The following LOC400499 variants were observed in gnomAD, a reference collection of about 807,000 sequenced individuals.
chr16:11,374,989 C>G, the LOC400499 span, among the ~76,000 whole-genome samples: 1 of 152,076 alleles, frequency 6.6e-6, no homozygotes, highest in African/African-American at 2.4e-5. Flanking sequence ...GCTGGGATTA[C>G]AGGCCTGCAC....
the LOC400499 span, among the ~76,000 whole-genome samples, chr16:11,495,733 A>G: frequency 6.6e-6 from 1 of 152,258 alleles, no homozygotes; most frequent in Non-Finnish European, 1.5e-5. Context: ...CAGACTGCTG[A>G]TAACATGTCA....
the LOC400499 span, among the ~76,000 whole-genome samples, chr16:11,407,887 G>T: frequency 6.6e-6 from 1 of 152,014 alleles, no homozygotes; most frequent in South Asian, 2.1e-4. Flanking sequence ...GAATCACTGC[G>T]GGGGAACTTA....
At chr16:11,391,113 T>C in the LOC400499 span, among the ~76,000 whole-genome samples, 1 of 152,240 alleles carries the variant, frequency 6.6e-6, no homozygotes, top group African/African-American at 2.4e-5. Context: ...AGGAACACTC[T>C]GGCACAGCAG....
chr16:11,505,795 C>T, the LOC400499 span, among the ~76,000 whole-genome samples: 1 of 151,866 alleles, frequency 6.6e-6, no homozygotes, highest in African/African-American at 2.4e-5. Context: ...TCAGGGTACC[C>T]GTGAAATAAT....
At chr16:11,383,504 TTAA>T in the LOC400499 span, 1 of 983,698 alleles carries the variant, frequency 1.0e-6, no homozygotes, top group Non-Finnish European at 1.3e-6. Context: ...ACAGGCAGTC[TTAA>T]TAAATGTTGT....
At chr16:11,419,473 G>A in the LOC400499 span, among the ~76,000 whole-genome samples, 301 of 147,052 alleles carry the variant, frequency 2.0e-3, no homozygotes, top group African/African-American at 7.5e-3. Context: ...AGACTTAAAC[G>A]TTAGACCTAA....
At chr16:11,508,199 G>C in the LOC400499 span, among the ~76,000 whole-genome samples, 1 of 152,146 alleles carries the variant, frequency 6.6e-6, no homozygotes, top group Admixed American at 6.6e-5. Flanking sequence ...CCCTCTCTCA[G>C]AACAAGACAG....
At chr16:11,494,364 G>C in the LOC400499 span, among the ~76,000 whole-genome samples, 23 of 148,102 alleles carry the variant, frequency 1.6e-4, no homozygotes, top group Admixed American at 8.7e-4. Flanking sequence ...GCAGTGGTGT[G>C]GGGGGGGCAG....
chr16:11,509,187 G>C, the LOC400499 span, among the ~76,000 whole-genome samples: 2 of 146,144 alleles, frequency 1.4e-5, no homozygotes, highest in African/African-American at 5.1e-5. Context: ...GCGCGATCTC[G>C]GCTCACTGCA....
the LOC400499 span, chr16:11,412,775 G>A: frequency 1.5e-5 from 6 of 398,234 alleles, no homozygotes; most frequent in African/African-American, 1.2e-4. Flanking sequence ...TCCAGCGATG[G>A]TGCACAGCAG....
the LOC400499 span, chr16:11,396,806 A>T: frequency 1.4e-6 from 1 of 732,196 alleles, no homozygotes; most frequent in African/African-American, 1.8e-5. Context: ...CTCACAGCTG[A>T]CCTCTAAGAA....
chr16:11,393,295 C>T, the LOC400499 span: 12 of 1,062,334 alleles, frequency 1.1e-5, no homozygotes, highest in Admixed American at 8.5e-5. Context: ...CACCCAGCCC[C>T]GACTTCTGAA....
At chr16:11,477,420 G>A in the LOC400499 span, among the ~76,000 whole-genome samples, 1 of 152,242 alleles carries the variant, frequency 6.6e-6, no homozygotes, top group Admixed American at 6.5e-5. Context: ...GCCCCAGGCT[G>A]TCAGTGTCCT....
the LOC400499 span, chr16:11,461,112 C>A: frequency 1.3e-6 from 2 of 1,535,070 alleles, no homozygotes; most frequent in South Asian, 2.4e-5. Flanking sequence ...CCTTCCTCTC[C>A]AGCAGTGCTG....
the LOC400499 span, chr16:11,446,907 G>A: frequency 2.0e-6 from 3 of 1,533,692 alleles, 1 homozygote; most frequent in South Asian, 3.6e-5. Context: ...GGTGCAACGG[G>A]TGCCTGGTGT....
At chr16:11,436,549 A>G in the LOC400499 span, among the ~76,000 whole-genome samples, 1 of 151,564 alleles carries the variant, frequency 6.6e-6, no homozygotes, top group Non-Finnish European at 1.5e-5. Flanking sequence ...ATGGTTCTCA[A>G]TCCAGCCTGT....
the LOC400499 span, chr16:11,442,509 C>T: frequency 6.6e-6 from 1 of 152,198 alleles, no homozygotes; most frequent in Non-Finnish European, 1.5e-5. Flanking sequence ...AGGCGTGAGC[C>T]ATCTCGCCCA....
chr16:11,432,264 GT>G, the LOC400499 span, among the ~76,000 whole-genome samples: 3 of 152,236 alleles, frequency 2.0e-5, no homozygotes, highest in Admixed American at 6.5e-5. Context: ...CCTTGTGTAA[GT>G]TCCTGACCCA....
the LOC400499 span, among the ~76,000 whole-genome samples, chr16:11,375,732 A>ATTTTTTTTTTTTT: frequency 7.7e-6 from 1 of 130,660 alleles, no homozygotes; most frequent in Non-Finnish European, 1.6e-5. Flanking sequence ...TCCTTTGTAC[A>ATTTTTTTTTTTTT]TTTTTTTTTT....
Sources: allele counts gnomAD v4.1 joint callset (sites outside exome capture counted in the v4.1 genomes callset), GRCh38; gene constraint gnomAD v4.1.1; transcripts MANE v1.5.